Variants in B3GALNT2 observed in about 807,000 individuals in gnomAD.
B3GALNT2 encodes the protein UDP-GalNAc:beta-1,3-N-acetylgalactosaminyltransferase 2.
In B3GALNT2, 53 loss-of-function variants were observed where a neutral mutation model predicts 61.1. The observed-to-expected ratio is 0.87, with a 90% confidence interval of 0.70 to 1.09. The LOEUF (loss-of-function observed/expected upper bound fraction) is 1.09, where lower values mean the gene tolerates loss of function less well. Ranked by LOEUF, B3GALNT2 falls within the 50% of genes least tolerant of loss-of-function variation. B3GALNT2 has a pLI of 0.00. For synonymous variants in B3GALNT2, 223 were observed against 237.4 expected, an observed-to-expected ratio of 0.94 and a Z score of 0.56; for missense variants, 544 against 623.0, an observed-to-expected ratio of 0.87 and a Z score of 1.35.
chr1:235,486,439 T>C (rs1168912603), intron 3 of B3GALNT2, among the ~76,000 whole-genome samples: 1 of 152,234 alleles, frequency 6.6e-6, no homozygotes, highest in African/African-American at 2.4e-5. Context: ...TATTTTCTTA[T>C]CTAAAAGAAT....
chr1:235,458,534 ACC>A (rs769648167), intron 8 of B3GALNT2, 67 bp downstream of exon 8: 2 of 1,513,696 alleles, frequency 1.3e-6, no homozygotes, highest in Admixed American at 4.5e-5. Context: ...GCCTAGTAAG[ACC>A]CCATCTCAAA....
chr1:235,471,016 T>C, intron 5 of B3GALNT2, 56 bp from the exon 6 acceptor site: 1 of 1,581,254 alleles, frequency 6.3e-7, no homozygotes, highest in Non-Finnish European at 8.6e-7. Flanking sequence ...ATTTAGGTTT[T>C]AAGTATGCTT....
chr1:235,439,969 T>G, the B3GALNT2 span, among the ~76,000 whole-genome samples: 1 of 151,520 alleles, frequency 6.6e-6, no homozygotes, highest in Non-Finnish European at 1.5e-5. Flanking sequence ...GCCTGGCTAA[T>G]TTTTGTATAT....
At chr1:235,486,533 T>G (rs149230423) in intron 3 of B3GALNT2, among the ~76,000 whole-genome samples, 2 of 152,282 alleles carry the variant, frequency 1.3e-5, no homozygotes, top group Non-Finnish European at 2.9e-5. Flanking sequence ...AGCCACAGTA[T>G]CACGATGATT....
chr1:235,470,368 A>G (rs188776252), intron 6 of B3GALNT2, among the ~76,000 whole-genome samples: 2 of 152,144 alleles, frequency 1.3e-5, no homozygotes, highest in Non-Finnish European at 2.9e-5. Flanking sequence ...AGGTGGGCGG[A>G]TCACTTGAGC....
At chr1:235,441,601 A>G in the B3GALNT2 span, 2 of 576,594 alleles carry the variant, frequency 3.5e-6, no homozygotes, top group Admixed American at 6.1e-5. Flanking sequence ...TAAGCTACAG[A>G]GTCTGCAGCT....
At position 235,504,272 on chromosome 1, in the gene B3GALNT2, C is replaced by G. The variant is rs886038734; in HGVS notation, c.-20G>C. On this transcript the variant is annotated 5_prime_UTR_variant, in exon 1 of 12. Coordinates refer to ENST00000366600, the MANE Select transcript of B3GALNT2 (RefSeq NM_152490.5). ...TCGCATTGGCCGCCCCCGCCGCGAG[C>G]CGGGCTCTCCCGCGTCCCGGCGGAG... is the stretch of plus-strand genomic sequence containing the variant. The G allele has an allele frequency of 1.9e-5, 28 of 1,484,854 alleles. No homozygotes were observed. In the Admixed American group the frequency reaches 5.2e-4, roughly 28 times the overall value. The allele number at this position is 1,484,854 out of a possible 1,614,324, so 92.0% of individuals were successfully genotyped here. A position where few individuals can be genotyped will look rare whatever the true frequency, so the allele number is the denominator to read the frequency against.
In B3GALNT2 at chr1:235,454,160, T is replaced by G; in HGVS notation, c.1307A>C (p.Tyr436Ser). 1.9e-6 allele frequency: 3 copies of G among 1,604,130 alleles called. No individual in the cohort carries two copies. The highest frequency in any genetic ancestry group is 2.6e-6 in the Non-Finnish European group (3 of 1,175,712). The part of the protein sequence containing the change: ...LASNSGRLKT[Y>S]QGEDVSMGIW... ...AGCTAAGAAATTCTTAATTACCTGA[T>G]AGGTCTTTAACCTCCCCGAGTTGCT... Residue 436 changes from tyrosine to serine, a missense_variant, in exon 10 of 12, where the codon TAT becomes TCT. Physicochemically the swap from Tyr to Ser is moderately radical, Grantham distance 144 (BLOSUM62 -2). Coordinates refer to ENST00000366600, the MANE Select transcript of B3GALNT2 (RefSeq NM_152490.5).
chr1:235,497,281 C>A (rs1312153721), intron 1 of B3GALNT2, among the ~76,000 whole-genome samples: 1 of 152,078 alleles, frequency 6.6e-6, no homozygotes, highest in Non-Finnish European at 1.5e-5. Flanking sequence ...AGGAAGGAGG[C>A]AAAACAAAGG....
intron 3 of B3GALNT2, 39 bp from the exon 4 acceptor site, chr1:235,484,554 T>C: frequency 6.4e-7 from 1 of 1,569,774 alleles, no homozygotes; most frequent in Non-Finnish European, 8.6e-7. Context: ...TGAACAAATG[T>C]AATCCTTTGT....
At chr1:235,487,323 A>G (rs1473887377) in intron 3 of B3GALNT2, among the ~76,000 whole-genome samples, 1 of 152,226 alleles carries the variant, frequency 6.6e-6, no homozygotes, top group Non-Finnish European at 1.5e-5. Flanking sequence ...TGTCCAATTT[A>G]TTTAAAAAGC....
chr1:235,486,450 T>C (rs999716516), intron 3 of B3GALNT2, among the ~76,000 whole-genome samples: 2 of 152,216 alleles, frequency 1.3e-5, no homozygotes, highest in African/African-American at 4.8e-5. Context: ...CTAAAAGAAT[T>C]GTGCCTTGAG....
At chr1:235,492,696 CA>C (rs925038007) in intron 2 of B3GALNT2, among the ~76,000 whole-genome samples, 2 of 150,968 alleles carry the variant, frequency 1.3e-5, no homozygotes, top group African/African-American at 4.9e-5. Flanking sequence ...TAAGTGTTAC[CA>C]AAAAAAAATT....
intron 4 of B3GALNT2, among the ~76,000 whole-genome samples, chr1:235,481,166 T>C (rs758418771): frequency 2.0e-5 from 3 of 152,172 alleles, no homozygotes; most frequent in African/African-American, 7.2e-5. Flanking sequence ...AGTATAAGAA[T>C]AGTTTTTGCA....
In B3GALNT2 at chr1:235,456,116, A is replaced by G. The variant is rs141438754; in HGVS notation, c.1026-432T>C. The stretch of plus-strand genomic sequence containing the variant: ...CTCTCACACAGAACGCTATTGTACA[A>G]GATGCATCCGATGCTATTTATATTA... On this transcript the variant is annotated intron_variant, in intron 8 of 11. Coordinates refer to ENST00000366600, the MANE Select transcript of B3GALNT2 (RefSeq NM_152490.5). Among the ~76,000 whole-genome samples, 687 of 152,336 alleles carry G rather than the reference A, an allele frequency of 4.5e-3. 5 individuals are homozygous for G. The highest frequency in any genetic ancestry group is 0.016 in the African/African-American group (661 of 41,574).
At chr1:235,442,972 G>A, downstream of B3GALNT2, 1 of 1,563,504 alleles carries the variant, frequency 6.4e-7, no homozygotes, top group Non-Finnish European at 8.8e-7. Flanking sequence ...GTATGAGTCA[G>A]CTAAAATTAA....
At position 235,449,367 on chromosome 1, in the gene B3GALNT2, A is replaced by G. The variant is rs1005013672; in HGVS notation, c.*839T>C. On this transcript the variant is annotated 3_prime_UTR_variant, in exon 12 of 12. Transcript: ENST00000366600. ...TGAAATGTACTCATATTAGGTAAAC[A>G]TTAGGCAATGATAGGAGGAAAGCAA... The G allele has an allele frequency of 6.5e-6, 1 of 153,514 alleles. No homozygotes were observed. Among genetic ancestry groups the G allele is most frequent in the Non-Finnish European group, 1.5e-5 (1 of 68,958 alleles). 9.5% of individuals were successfully genotyped at this position (153,514 alleles called of 1,614,324 possible).
At chr1:235,503,611 G>T (rs1388399495) in intron 1 of B3GALNT2, among the ~76,000 whole-genome samples, 1 of 152,168 alleles carries the variant, frequency 6.6e-6, no homozygotes, top group East Asian at 1.9e-4. Flanking sequence ...CATAATCCAA[G>T]AATACGAACT....
intron 9 of B3GALNT2, among the ~76,000 whole-genome samples, 158 bp from the exon 10 acceptor site, chr1:235,454,473 T>TTGTTGCTTTTTTTTTTCCC (rs1202724270): frequency 1.3e-5 from 2 of 152,184 alleles, no homozygotes; most frequent in Non-Finnish European, 2.9e-5. Flanking sequence ...AGTTTTGCTC[T>TTGTTGCTTTTTTTTTTCCC]TGTTGCTCAG....
Sources: allele counts gnomAD v4.1 joint callset (sites outside exome capture counted in the v4.1 genomes callset), GRCh38; gene constraint gnomAD v4.1.1; transcripts MANE v1.5; gene names NCBI Gene and HGNC (gene_info 2026-07-23, HGNC 2026-07-21).